MBNL2: variants seen among roughly 807,000 people sequenced by gnomAD.
MBNL2 encodes the protein muscleblind-like protein 2.
MBNL2 carries 17 observed loss-of-function variants against 41.9 expected under a neutral mutation model. The observed-to-expected ratio is 0.41, with a 90% confidence interval of 0.28 to 0.61. The LOEUF is 0.61. MBNL2 is among the 20% of genes least tolerant of loss of function. MBNL2 has a pLI of 0.35. For missense variants in MBNL2, 336 were observed against 505.6 expected, an observed-to-expected ratio of 0.66 and a Z score of 3.22; for synonymous variants, 195 against 182.9, an observed-to-expected ratio of 1.07 and a Z score of -0.53.
intron 2 of MBNL2, among the ~76,000 whole-genome samples, chr13:97,311,585 C>A (rs879038665): frequency 3.9e-5 from 6 of 151,932 alleles, no homozygotes; most frequent in Admixed American, 6.6e-5. Flanking sequence ...ACAAAAATAG[C>A]AAACTGAAAT....
chr13:97,304,538 G>A (rs2057940495), intron 2 of MBNL2, among the ~76,000 whole-genome samples: 1 of 152,184 alleles, frequency 6.6e-6, no homozygotes, highest in African/African-American at 2.4e-5. Context: ...GATCTGACAA[G>A]TGAAGGATTT....
the MBNL2 span, among the ~76,000 whole-genome samples, chr13:97,180,476 C>T: frequency 6.6e-6 from 1 of 151,998 alleles, no homozygotes; most frequent in Non-Finnish European, 1.5e-5. Context: ...GTGGCTCACA[C>T]CTGTAATCCC....
At chr13:97,216,429 C>T in the MBNL2 span, among the ~76,000 whole-genome samples, 1 of 152,066 alleles carries the variant, frequency 6.6e-6, no homozygotes, top group African/African-American at 2.4e-5. Flanking sequence ...GCAGTACATA[C>T]TAAAGGACAA....
At chr13:97,238,915 A>G (rs1178775934) in intron 1 of MBNL2, among the ~76,000 whole-genome samples, 1 of 152,198 alleles carries the variant, frequency 6.6e-6, no homozygotes, top group East Asian at 1.9e-4. Flanking sequence ...CTGCTCTACC[A>G]GGAAAGGTGA....
At chr13:97,331,828 G>T (rs2060463662) in intron 2 of MBNL2, among the ~76,000 whole-genome samples, 1 of 152,152 alleles carries the variant, frequency 6.6e-6, no homozygotes, top group Non-Finnish European at 1.5e-5. Flanking sequence ...AAAAAAGAAG[G>T]TTTCATTGAT....
At chr13:97,208,342 A>T in the MBNL2 span, among the ~76,000 whole-genome samples, 94 of 152,304 alleles carry the variant, frequency 6.2e-4, no homozygotes, top group African/African-American at 2.2e-3. Flanking sequence ...CAATTAATAG[A>T]TGTAGGAATC....
chr13:97,267,904 G>A (rs752633917), intron 1 of MBNL2, among the ~76,000 whole-genome samples: 3 of 152,214 alleles, frequency 2.0e-5, no homozygotes, highest in Non-Finnish European at 2.9e-5. Context: ...GCAGCAGGAT[G>A]CCTGGCACAC....
intron 2 of MBNL2, among the ~76,000 whole-genome samples, chr13:97,301,139 C>T (rs1478704629): frequency 4.6e-5 from 7 of 152,176 alleles, no homozygotes. Flanking sequence ...AATTGTACCT[C>T]CAGGCATATG....
chr13:97,216,093 TG>T, the MBNL2 span, among the ~76,000 whole-genome samples: 19 of 152,190 alleles, frequency 1.2e-4, no homozygotes, highest in African/African-American at 4.6e-4. Context: ...CTAGACCTAC[TG>T]GAGAAAAATT....
the MBNL2 span, among the ~76,000 whole-genome samples, chr13:97,201,726 T>C: frequency 6.6e-6 from 1 of 152,202 alleles, no homozygotes; most frequent in African/African-American, 2.4e-5. Flanking sequence ...CCCCTTTCTA[T>C]ATATAGGAAA....
At chr13:97,146,066 C>T in the MBNL2 span, among the ~76,000 whole-genome samples, 2 of 152,034 alleles carry the variant, frequency 1.3e-5, no homozygotes, top group Non-Finnish European at 2.9e-5. Context: ...CCTTGGCTCA[C>T]TGCAACCTCC....
At position 97,366,684 on chromosome 13, in the gene MBNL2, A is replaced by G. The variant is rs1304914349; in HGVS notation, c.1048+1513A>G. On this transcript the variant is annotated intron_variant, in intron 8 of 8. Transcript: ENST00000679496. This position sits in a 1 kb window ranked among gnomAD's most constrained non-coding sequence, Gnocchi z 4.7. Reference sequence around the variant, plus strand: ...CAAATTTTATTTTTTTAATTAGTTTATAGCAAGCATTTACAGACAGGTTGC... The same window carrying G: ...CAAATTTTATTTTTTTAATTAGTTTGTAGCAAGCATTTACAGACAGGTTGC... 1 of 712,152 alleles carries G rather than the reference A, an allele frequency of 1.4e-6. No homozygotes were observed. The highest frequency in any genetic ancestry group is 2.6e-6 in the Non-Finnish European group (1 of 390,100). 44.1% of individuals were successfully genotyped at this position (712,152 alleles called of 1,614,324 possible). A position where few individuals can be genotyped will look rare whatever the true frequency, so the allele number is the denominator to read the frequency against.
rs2061843877 is a variant in MBNL2 at position 97,346,255 on chromosome 13, GGATGGATGGATGGATGGATA to G, written c.541-539_541-520del. Among the ~76,000 whole-genome samples the G allele has an allele frequency of 1.3e-5, 2 of 151,724 alleles. No individual in the cohort carries two copies. Among genetic ancestry groups the G allele is most frequent in the Admixed American group, 1.3e-4 (2 of 15,242 alleles). On this transcript the variant is annotated intron_variant, in intron 4 of 8. Coordinates refer to ENST00000679496, the MANE Select transcript of MBNL2 (RefSeq NM_001382683.1). The surrounding 1 kb of genome is among the most constrained non-coding windows in gnomAD (Gnocchi z 4.2). ...ATTAACAGATAATAGATGGATGGAT[GGATGGATGGATGGATGGATA>G]GATGGATGGGTGGATGGATAGATAG...
intron 7 of MBNL2, among the ~76,000 whole-genome samples, chr13:97,363,510 C>T (rs1310640618): frequency 1.3e-5 from 2 of 148,270 alleles, no homozygotes; most frequent in South Asian, 2.1e-4. Context: ...GAGGGAAGGG[C>T]GGAGTGCTGA....
intron 2 of MBNL2, among the ~76,000 whole-genome samples, chr13:97,320,567 A>G (rs1374429682): frequency 1.3e-5 from 2 of 151,900 alleles, no homozygotes; most frequent in African/African-American, 2.4e-5. Context: ...GGAAGGGTCT[A>G]TTTTAGACCT....
At chr13:97,314,477 G>C (rs1374637347) in intron 2 of MBNL2, among the ~76,000 whole-genome samples, 1 of 152,118 alleles carries the variant, frequency 6.6e-6, no homozygotes, top group Non-Finnish European at 1.5e-5. Flanking sequence ...GCTCTATGAA[G>C]GCAGGGACTT....
intron 1 of MBNL2, among the ~76,000 whole-genome samples, chr13:97,260,744 A>G (rs2048460537): frequency 6.6e-6 from 1 of 152,214 alleles, no homozygotes; most frequent in Non-Finnish European, 1.5e-5. Context: ...ATAAAACCAC[A>G]CAAGAGAGTG....
At chr13:97,347,347 T>G (rs1177968173) in intron 5 of MBNL2, among the ~76,000 whole-genome samples, 1 of 152,130 alleles carries the variant, frequency 6.6e-6, no homozygotes. Context: ...TTGAGTGTGC[T>G]CACTTAGGGT....
At chr13:97,212,226 T>C in the MBNL2 span, among the ~76,000 whole-genome samples, 1 of 152,158 alleles carries the variant, frequency 6.6e-6, no homozygotes, top group African/African-American at 2.4e-5. Flanking sequence ...ATGAACGTTT[T>C]CCAGAATTGC....
Sources: allele counts gnomAD v4.1 joint callset (sites outside exome capture counted in the v4.1 genomes callset), GRCh38; gene constraint gnomAD v4.1.1; non-coding constraint Gnocchi (gnomAD v3.1); transcripts MANE v1.5; gene names NCBI Gene and HGNC (gene_info 2026-07-23, HGNC 2026-07-21).